Variants in CIMAP1D observed in about 807,000 individuals in gnomAD.
CIMAP1D encodes the protein protein CIMAP1D.
At chr19:476,450 A>G in the CIMAP1D span, among the ~76,000 whole-genome samples, 1 of 152,100 alleles carries the variant, frequency 6.6e-6, no homozygotes, top group Non-Finnish European at 1.5e-5. Context: ...TCGGCCTCCC[A>G]AAGTGCTGGG....
the CIMAP1D span, among the ~76,000 whole-genome samples, chr19:483,903 G>A: frequency 1.7e-4 from 26 of 152,252 alleles, no homozygotes; most frequent in African/African-American, 2.6e-4. Context: ...TCTTCTGTGC[G>A]GCACGGGAAG....
chr19:484,174 T>C, the CIMAP1D span, among the ~76,000 whole-genome samples: 1 of 146,846 alleles, frequency 6.8e-6, no homozygotes, highest in African/African-American at 2.5e-5. Context: ...AGAGTTTCAC[T>C]CTTGTCACCA....
the CIMAP1D span, among the ~76,000 whole-genome samples, chr19:475,316 C>G: frequency 6.6e-6 from 1 of 152,174 alleles, no homozygotes; most frequent in African/African-American, 2.4e-5. Flanking sequence ...GTGTACCAGC[C>G]TCTGTTGGGG....
At chr19:489,843 C>A in the CIMAP1D span, 1 of 381,172 alleles carries the variant, frequency 2.6e-6, no homozygotes, top group African/African-American at 2.1e-5. Context: ...AGCGAGTCGT[C>A]CTCAGAGGCC....
chr19:478,057 C>A, the CIMAP1D span, among the ~76,000 whole-genome samples: 1 of 152,372 alleles, frequency 6.6e-6, no homozygotes, highest in East Asian at 1.9e-4. Flanking sequence ...CAGGCCCTGT[C>A]ACTGCCCAAC....
the CIMAP1D span, chr19:463,625 G>C: frequency 1.5e-6 from 1 of 650,562 alleles, no homozygotes; most frequent in South Asian, 2.3e-5. Context: ...AGAAACTGGG[G>C]CACTGGAAGG....
chr19:476,165 A>G, the CIMAP1D span, among the ~76,000 whole-genome samples: 1 of 151,182 alleles, frequency 6.6e-6, no homozygotes, highest in Non-Finnish European at 1.5e-5. Flanking sequence ...CGTCTAGCTA[A>G]TTTTTTTGTA....
At chr19:480,522 ATG>A in the CIMAP1D span, among the ~76,000 whole-genome samples, 119 of 134,464 alleles carry the variant, frequency 8.8e-4, 7 homozygotes, top group African/African-American at 3.9e-3. Flanking sequence ...ATGGGGAAGG[ATG>A]ATGGGGAAGG....
the CIMAP1D span, chr19:490,056 G>C: frequency 5.0e-6 from 2 of 398,466 alleles, no homozygotes; most frequent in Non-Finnish European, 8.8e-6. Flanking sequence ...AAAATAAATC[G>C]TATGAAACAT....
chr19:469,939 C>G, the CIMAP1D span, among the ~76,000 whole-genome samples: 2 of 150,736 alleles, frequency 1.3e-5, no homozygotes, highest in Non-Finnish European at 2.9e-5. Context: ...CACACCCCAG[C>G]TCATCATGAC....
chr19:470,191 G>C, the CIMAP1D span, among the ~76,000 whole-genome samples: 1 of 149,270 alleles, frequency 6.7e-6, no homozygotes, highest in African/African-American at 2.5e-5. Context: ...GATCGGTCTG[G>C]GTCATAGGCT....
At chr19:464,139 GCGGGGGGGGT>G in the CIMAP1D span, 1 of 464,804 alleles carries the variant, frequency 2.2e-6, no homozygotes, top group Non-Finnish European at 3.9e-6. Context: ...CGGGGGGCGG[GCGGGGGGGGT>G]GCGGCCCACC....
the CIMAP1D span, chr19:464,462 C>T: frequency 2.0e-5 from 15 of 740,774 alleles, no homozygotes; most frequent in Admixed American, 1.1e-4. Context: ...GAGCTTACAA[C>T]GCTTCTCAAG....
At chr19:481,138 G>A in the CIMAP1D span, among the ~76,000 whole-genome samples, 1 of 53,182 alleles carries the variant, frequency 1.9e-5, no homozygotes, top group African/African-American at 1.8e-4. Context: ...GGATGATGGG[G>A]AAGGATGATG....
chr19:466,145 A>G, the CIMAP1D span, among the ~76,000 whole-genome samples: 1 of 127,038 alleles, frequency 7.9e-6, no homozygotes, highest in South Asian at 2.9e-4. Flanking sequence ...GGATGAGTGA[A>G]TGGATGGGTG....
At chr19:476,420 C>T in the CIMAP1D span, among the ~76,000 whole-genome samples, 3 of 151,934 alleles carry the variant, frequency 2.0e-5, no homozygotes, top group African/African-American at 4.8e-5. Context: ...AAACTCCTGA[C>T]CTCAGGTGAT....
At chr19:471,844 G>A in the CIMAP1D span, among the ~76,000 whole-genome samples, 114 of 152,014 alleles carry the variant, frequency 7.5e-4, no homozygotes, top group African/African-American at 2.6e-3. Flanking sequence ...CCGGCTTCAC[G>A]CCATTCTCCT....
At chr19:484,829 T>C in the CIMAP1D span, among the ~76,000 whole-genome samples, 1 of 152,150 alleles carries the variant, frequency 6.6e-6, no homozygotes, top group Admixed American at 6.5e-5. Context: ...CACAGGGTTT[T>C]ACCCTGAGCA....
the CIMAP1D span, among the ~76,000 whole-genome samples, chr19:464,681 G>C: frequency 6.6e-6 from 1 of 152,134 alleles, no homozygotes; most frequent in Non-Finnish European, 1.5e-5. Context: ...CTCTCCAGAC[G>C]TGAGCACACT....
Sources: gnomAD v4.1 joint callset for allele counts (sites outside exome capture counted in the v4.1 genomes callset) on GRCh38, gnomAD v4.1.1 for gene constraint, MANE v1.5 for transcripts, NCBI Gene and HGNC (gene_info 2026-07-23, HGNC 2026-07-21) for gene names.